CUX1: variants seen among roughly 807,000 people sequenced by gnomAD.
The protein encoded by CUX1 is protein CASP.
CUX1 carries 31 observed loss-of-function variants against 158.8 expected under a neutral mutation model. That is an observed-to-expected ratio of 0.20 (90% CI 0.15 to 0.26). The LOEUF (loss-of-function observed/expected upper bound fraction) is 0.26. CUX1 is among the 10% of genes least tolerant of loss of function. The pLI, the probability that CUX1 is intolerant of heterozygous loss-of-function variation, is 1.00. For synonymous variants in CUX1, 879 were observed against 862.1 expected, an observed-to-expected ratio of 1.02 and a Z score of -0.34; for missense variants, 1,589 against 2,014.6, an observed-to-expected ratio of 0.79 and a Z score of 4.04.
chr7:102,098,410 G>A (rs1829421090), intron 5 of CUX1, among the ~76,000 whole-genome samples: 1 of 152,072 alleles, frequency 6.6e-6, no homozygotes, highest in Non-Finnish European at 1.5e-5. Flanking sequence ...CCAGAAGTTC[G>A]AGACCAGCCT....
intron 2 of CUX1, among the ~76,000 whole-genome samples, chr7:101,981,857 G>T (rs1017340102): frequency 6.6e-6 from 1 of 152,110 alleles, no homozygotes; most frequent in Non-Finnish European, 1.5e-5. Context: ...GTGATCTGCC[G>T]CCTTGGCCTC....
At chr7:101,830,142 C>T (rs533437119) in intron 1 of CUX1, among the ~76,000 whole-genome samples, 4 of 152,256 alleles carry the variant, frequency 2.6e-5, no homozygotes, top group South Asian at 2.1e-4. Context: ...AACCCTGTGA[C>T]GGTCAAGACC....
At chr7:102,011,168 G>A (rs1010040127) in intron 2 of CUX1, among the ~76,000 whole-genome samples, 8 of 151,958 alleles carry the variant, frequency 5.3e-5, no homozygotes, top group Non-Finnish European at 7.4e-5. Context: ...CTCTTTGTTC[G>A]AGTAAGCCGT....
chr7:102,017,109 G>C (rs186726670), intron 2 of CUX1, among the ~76,000 whole-genome samples: 4 of 152,204 alleles, frequency 2.6e-5, no homozygotes, highest in Admixed American at 2.6e-4. Flanking sequence ...TTTGAGACCA[G>C]CCTGGCCAAC....
In CUX1 at chr7:102,021,167, C is replaced by T. The variant is rs527284683; in HGVS notation, c.142-6931C>T. 3.3e-4 allele frequency among the ~76,000 whole-genome samples: 50 copies of T among 152,306 alleles called. 1 individual carries two copies. Among genetic ancestry groups the T allele is most frequent in the Non-Finnish European group, 6.0e-4 (41 of 68,024 alleles). On this transcript the variant is annotated intron_variant, in intron 2 of 23. Coordinates refer to ENST00000292535, the MANE Select transcript of CUX1 (RefSeq NM_181552.4). ...ATTGTCTCCGAAGGAGAAAGGGTCCCACCCCTGAACTGTCACTGTACAGGA... is the reference window on the plus strand; with the variant it reads ...ATTGTCTCCGAAGGAGAAAGGGTCCTACCCCTGAACTGTCACTGTACAGGA...
chr7:101,849,622 A>G (rs1796064391), intron 1 of CUX1, among the ~76,000 whole-genome samples: 2 of 152,158 alleles, frequency 1.3e-5, no homozygotes, highest in African/African-American at 4.8e-5. Flanking sequence ...GCTATTGTGA[A>G]TAGTGCTGCA....
At chr7:102,036,091 C>G (rs879642915) in intron 3 of CUX1, among the ~76,000 whole-genome samples, 10 of 152,010 alleles carry the variant, frequency 6.6e-5, no homozygotes, top group Admixed American at 3.3e-4. Flanking sequence ...TGTGTAATCC[C>G]AAGTAGCTGG....
chr7:102,100,796 T>G (rs782118190), intron 5 of CUX1, among the ~76,000 whole-genome samples: 8 of 115,510 alleles, frequency 6.9e-5, no homozygotes, highest in Admixed American at 3.4e-4. Context: ...ACAAGACCTA[T>G]CTCTTAAAAA....
At chr7:102,106,383 C>T (rs2529095) in intron 6 of CUX1, among the ~76,000 whole-genome samples, 93,284 of 151,656 alleles carry the variant, frequency 0.62, 30,257 homozygotes, top group African/African-American at 0.78. Flanking sequence ...CCACCGCACC[C>T]GGCTCTTGGT....
intron 9 of CUX1, among the ~76,000 whole-genome samples, chr7:102,162,889 C>T (rs1790608005): frequency 6.6e-6 from 1 of 152,116 alleles, no homozygotes; most frequent in African/African-American, 2.4e-5. Context: ...AGAGAGTGAG[C>T]TCCCTGTCAC....
intron 1 of CUX1, among the ~76,000 whole-genome samples, chr7:101,849,394 T>C (rs546096219): frequency 2.0e-5 from 3 of 152,176 alleles, no homozygotes; most frequent in African/African-American, 7.2e-5. Context: ...TGTGTTCTCA[T>C]TGTTTAGCTC....
At chr7:102,232,683 C>T (rs1245568385) in intron 21 of CUX1, among the ~76,000 whole-genome samples, 1 of 152,146 alleles carries the variant, frequency 6.6e-6, no homozygotes, top group Non-Finnish European at 1.5e-5. Flanking sequence ...GCGGAATGGC[C>T]CTCAGAGAAG....
At chr7:102,069,747 CA>C (rs1161567906) in intron 3 of CUX1, among the ~76,000 whole-genome samples, 1 of 151,768 alleles carries the variant, frequency 6.6e-6, no homozygotes, top group Admixed American at 6.6e-5. Context: ...GACTCTGTCT[CA>C]AAAAAAGGAG....
chr7:101,840,371 A>C (rs1253085427), intron 1 of CUX1, among the ~76,000 whole-genome samples: 1 of 151,258 alleles, frequency 6.6e-6, no homozygotes, highest in Non-Finnish European at 1.5e-5. Flanking sequence ...TTTTGGTAGA[A>C]GGTTTAACCA....
In CUX1 at chr7:102,239,027, C is replaced by T. The variant is rs1799886359; in HGVS notation, c.3623-293C>T. Among the ~76,000 whole-genome samples the T allele has an allele frequency of 3.9e-5, 6 of 152,330 alleles. No individual in the cohort carries two copies. In the South Asian group the frequency reaches 1.0e-3, roughly 26 times the overall value. On this transcript the variant is annotated intron_variant, in intron 22 of 23. Transcript: ENST00000292535. ...TCAGCCTCCCTAGTAGCTGGGATTA[C>T]AGGTGCGTACCACCACGCCCAGCTG... is the stretch of plus-strand genomic sequence containing the variant.
intron 20 of CUX1, among the ~76,000 whole-genome samples, chr7:102,206,034 T>C (rs143310879): frequency 1.6e-4 from 24 of 152,322 alleles, no homozygotes; most frequent in African/African-American, 4.8e-4. Context: ...TCCCATTGAT[T>C]CATTGAAAAC....
chr7:102,238,220 ATACTCCCTTTCCCGG>A (rs1554533541), intron 22 of CUX1, among the ~76,000 whole-genome samples: 24 of 147,366 alleles, frequency 1.6e-4, no homozygotes, highest in African/African-American at 5.6e-4. Flanking sequence ...CTTTCCCGGG[ATACTCCCTTTCCCGG>A]TCTGCTAAGT....
chr7:102,185,316 C>T lies in CUX1; in HGVS notation c.1018-4497C>T, dbSNP rs368428121. On this transcript the variant is annotated intron_variant, in intron 11 of 23. Transcript: ENST00000292535. Reference sequence around the variant, plus strand: ...AAGTACCCAATATTTTTTTAATCCTCATCAAAGCACTGTAACATATAAACA... The same window carrying T: ...AAGTACCCAATATTTTTTTAATCCTTATCAAAGCACTGTAACATATAAACA... Among the ~76,000 whole-genome samples, 2 of 152,196 alleles carry T rather than the reference C, an allele frequency of 1.3e-5. 1 individual carries two copies. The highest frequency in any genetic ancestry group is 4.1e-4 in the South Asian group (2 of 4,832).
intron 17 of CUX1, chr7:102,275,395 G>A (rs1791536895): frequency 3.9e-6 from 6 of 1,531,328 alleles, no homozygotes; most frequent in Non-Finnish European, 4.5e-6. Flanking sequence ...TGCTCCTTGG[G>A]CCCAAGGACA....
Sources: gnomAD v4.1 joint callset for allele counts (sites outside exome capture counted in the v4.1 genomes callset) on GRCh38, gnomAD v4.1.1 for gene constraint, MANE v1.5 for transcripts, NCBI Gene and HGNC (gene_info 2026-07-23, HGNC 2026-07-21) for gene names.